CLDN10: variants seen among roughly 807,000 people sequenced by gnomAD.
CLDN10 encodes claudin 10, also known as claudin-10.
Under a neutral mutation model 22.9 loss-of-function variants are expected in CLDN10, and 15 were observed. The observed-to-expected ratio is 0.65, with a 90% confidence interval of 0.44 to 1.01. The LOEUF (loss-of-function observed/expected upper bound fraction) is 1.01, where lower values mean the gene tolerates loss of function less well. Among genes scored for constraint, CLDN10 ranks in the 50% least tolerant of loss-of-function variants. CLDN10 has a pLI of 0.00. For missense variants in CLDN10, 247 were observed against 287.8 expected, an observed-to-expected ratio of 0.86 and a Z score of 1.03; for synonymous variants, 114 against 111.4, an observed-to-expected ratio of 1.02 and a Z score of -0.15.
At chr13:95,496,992 C>G (rs1008936738) in intron 1 of CLDN10, 2 of 152,104 alleles carry the variant, frequency 1.3e-5, no homozygotes, top group African/African-American at 4.8e-5. Flanking sequence ...AGCTGTGGGA[C>G]TTGGGTAAGT....
chr13:95,445,217 G>A (rs912256759), intron 1 of CLDN10, among the ~76,000 whole-genome samples: 2 of 152,214 alleles, frequency 1.3e-5, no homozygotes, highest in African/African-American at 4.8e-5. Flanking sequence ...GAAGGCAAGT[G>A]CATGCAGGAA....
chr13:95,475,326 C>A (rs1191195907), intron 1 of CLDN10, among the ~76,000 whole-genome samples: 2 of 152,202 alleles, frequency 1.3e-5, no homozygotes, highest in Non-Finnish European at 2.9e-5. Flanking sequence ...AAAAGGGGAG[C>A]ACCTGGTCCC....
chr13:95,476,410 C>T (rs552574560), intron 1 of CLDN10, among the ~76,000 whole-genome samples: 9 of 152,146 alleles, frequency 5.9e-5, no homozygotes, highest in Non-Finnish European at 1.2e-4. Flanking sequence ...TGTGTCCTCA[C>T]GTGGTGGCAG....
chr13:95,540,744 T>C (rs1326170564), intron 1 of CLDN10, among the ~76,000 whole-genome samples: 1 of 152,238 alleles, frequency 6.6e-6, no homozygotes, highest in Non-Finnish European at 1.5e-5. Flanking sequence ...TCTAACTTAA[T>C]AGCTTGAGTA....
intron 1 of CLDN10, among the ~76,000 whole-genome samples, chr13:95,541,075 G>A (rs2043455317): frequency 6.6e-6 from 1 of 152,214 alleles, no homozygotes; most frequent in Non-Finnish European, 1.5e-5. Context: ...GCTAAATCTG[G>A]CTCTGTCATT....
chr13:95,516,205 T>C (rs971306), intron 1 of CLDN10, among the ~76,000 whole-genome samples: 131,401 of 152,240 alleles, frequency 0.86, 56,909 homozygotes, highest in East Asian at 0.96. Flanking sequence ...TCCAGCTTCA[T>C]AGTAATAGAA....
At chr13:95,557,798 G>A (rs1372916134) in intron 1 of CLDN10, among the ~76,000 whole-genome samples, 1 of 152,116 alleles carries the variant, frequency 6.6e-6, no homozygotes, top group African/African-American at 2.4e-5. Flanking sequence ...CGGGAAAAAT[G>A]TTATCAGTGG....
chr13:95,472,273 GTTCT>G (rs1348391242), intron 1 of CLDN10, among the ~76,000 whole-genome samples: 1 of 152,050 alleles, frequency 6.6e-6, no homozygotes, highest in African/African-American at 2.4e-5. Context: ...ATAAAATGAG[GTTCT>G]TTCTTTTTCA....
intron 1 of CLDN10, among the ~76,000 whole-genome samples, chr13:95,559,791 G>A (rs1471645613): frequency 6.6e-6 from 1 of 152,116 alleles, no homozygotes; most frequent in Non-Finnish European, 1.5e-5. Flanking sequence ...TATGGAATTC[G>A]TAGTCTGATT....
intron 1 of CLDN10, among the ~76,000 whole-genome samples, chr13:95,471,438 C>CAT (rs1230235422): frequency 1.4e-3 from 134 of 98,374 alleles, no homozygotes; most frequent in South Asian, 7.7e-3. Flanking sequence ...CACACACACA[C>CAT]ACATATATAT....
intron 1 of CLDN10, among the ~76,000 whole-genome samples, chr13:95,513,952 T>C (rs930223224): frequency 2.0e-5 from 3 of 152,344 alleles, no homozygotes; most frequent in South Asian, 2.1e-4. Context: ...CTGATTGTTA[T>C]GCTTCAGAAC....
intron 1 of CLDN10, among the ~76,000 whole-genome samples, chr13:95,521,313 G>T (rs2043222282): frequency 6.6e-6 from 1 of 152,096 alleles, no homozygotes; most frequent in Non-Finnish European, 1.5e-5. Context: ...GGTTTGCTTT[G>T]GGGATGTGTA....
intron 1 of CLDN10, among the ~76,000 whole-genome samples, chr13:95,532,557 A>G (rs2043355212): frequency 6.6e-6 from 1 of 152,184 alleles, no homozygotes; most frequent in African/African-American, 2.4e-5. Flanking sequence ...AATATAAAAT[A>G]GTACACTTTG....
At chr13:95,529,469 TA>T (rs2043318348) in intron 1 of CLDN10, among the ~76,000 whole-genome samples, 1 of 152,218 alleles carries the variant, frequency 6.6e-6, no homozygotes, top group Non-Finnish European at 1.5e-5. Context: ...ATTAATATGT[TA>T]TTTTTTTGGT....
chr13:95,534,547 A>C (rs2043379852), intron 1 of CLDN10, among the ~76,000 whole-genome samples: 2 of 152,176 alleles, frequency 1.3e-5, no homozygotes, highest in Non-Finnish European at 2.9e-5. Flanking sequence ...AATTCAAAAA[A>C]AAATCAATTC....
At chr13:95,503,724 T>C (rs1223373469) in intron 1 of CLDN10, among the ~76,000 whole-genome samples, 1 of 152,168 alleles carries the variant, frequency 6.6e-6, no homozygotes, top group East Asian at 1.9e-4. Flanking sequence ...TAATACTAAA[T>C]GAAATAAGTC....
intron 1 of CLDN10, among the ~76,000 whole-genome samples, chr13:95,554,732 T>C (rs972939288): frequency 3.9e-5 from 6 of 152,234 alleles, no homozygotes; most frequent in African/African-American, 1.4e-4. Flanking sequence ...TTAATAGAAG[T>C]GACTTGACTC....
intron 1 of CLDN10, among the ~76,000 whole-genome samples, chr13:95,525,084 C>T (rs933513355): frequency 3.9e-5 from 6 of 152,102 alleles, no homozygotes; most frequent in African/African-American, 1.4e-4. Flanking sequence ...GTCTCGAACT[C>T]CCGACCTCAG....
At chr13:95,568,033 G>T (rs1245056110) in intron 3 of CLDN10, among the ~76,000 whole-genome samples, 1 of 152,196 alleles carries the variant, frequency 6.6e-6, no homozygotes, top group Non-Finnish European at 1.5e-5. Flanking sequence ...AGGCTATACA[G>T]ATTTTCCTGG....
Sources: gnomAD v4.1 joint callset for allele counts (sites outside exome capture counted in the v4.1 genomes callset) on GRCh38, gnomAD v4.1.1 for gene constraint, MANE v1.5 for transcripts, NCBI Gene and HGNC (gene_info 2026-07-23, HGNC 2026-07-21) for gene names.